The following RFX3 variants were observed in gnomAD, a reference collection of about 807,000 sequenced individuals.
RFX3 encodes regulatory factor X3, also known as transcription factor RFX3.
A neutral mutation model predicts 98.6 loss-of-function variants in RFX3; 14 were observed. That is an observed-to-expected ratio of 0.14 (90% CI 0.09 to 0.22). The LOEUF (loss-of-function observed/expected upper bound fraction) is 0.22, where lower values mean the gene tolerates loss of function less well. RFX3 is among the 10% of genes least tolerant of loss of function. RFX3 has a pLI of 1.00. For missense variants in RFX3, 639 were observed against 926.9 expected, an observed-to-expected ratio of 0.69 and a Z score of 4.03; for synonymous variants, 383 against 328.4, an observed-to-expected ratio of 1.17 and a Z score of -1.80.
intron 1 of RFX3, among the ~76,000 whole-genome samples, chr9:3,514,943 G>T (rs1044606870): frequency 2.0e-5 from 3 of 151,996 alleles, no homozygotes; most frequent in African/African-American, 7.2e-5. Flanking sequence ...TTTTATTAAT[G>T]ACCCTTAAAC....
chr9:3,308,294 T>C (rs1586972702), intron 4 of RFX3, among the ~76,000 whole-genome samples: 1 of 152,098 alleles, frequency 6.6e-6, no homozygotes, highest in Non-Finnish European at 1.5e-5. Flanking sequence ...GATCAAATGG[T>C]GGGGTGAGCC....
chr9:3,243,000 A>G (rs1820163087), intron 15 of RFX3, among the ~76,000 whole-genome samples: 1 of 151,946 alleles, frequency 6.6e-6, no homozygotes, highest in African/African-American at 2.4e-5. Flanking sequence ...AGCAATCAAA[A>G]TTTCAAAGAT....
At chr9:3,508,015 T>C (rs1004633097) in intron 1 of RFX3, among the ~76,000 whole-genome samples, 2 of 151,908 alleles carry the variant, frequency 1.3e-5, no homozygotes, top group Admixed American at 1.3e-4. Flanking sequence ...AACTAATAAA[T>C]ATTTCTTAAA....
rs370370295 is a variant in RFX3, at chr9:3,248,599, C to T, written c.1815-414G>A. ...TCTGTCCCCTCTCAGTGATAACGATCTCTGGGGTAGGCCTTAGAAAAAAGA... is the reference window on the plus strand; with the variant it reads ...TCTGTCCCCTCTCAGTGATAACGATTTCTGGGGTAGGCCTTAGAAAAAAGA... On this transcript the variant is annotated intron_variant, in intron 14 of 16. Coordinates refer to ENST00000617270, the MANE Select transcript of RFX3 (RefSeq NM_001282116.2). Among the ~76,000 whole-genome samples the T allele has an allele frequency of 7.9e-5, 12 of 152,310 alleles. No homozygotes were observed. In the South Asian group the frequency reaches 1.0e-3, roughly 13 times the overall value.
chr9:3,356,200 A>AAGGAAC (rs1563978412), intron 2 of RFX3, among the ~76,000 whole-genome samples: 1 of 116,472 alleles, frequency 8.6e-6, no homozygotes, highest in African/African-American at 4.7e-5. Context: ...AAGGAAGGAA[A>AAGGAAC]GAAGGAAAGA....
At chr9:3,329,016 G>A (rs1429124921) in intron 4 of RFX3, among the ~76,000 whole-genome samples, 2 of 152,154 alleles carry the variant, frequency 1.3e-5, no homozygotes, top group Non-Finnish European at 2.9e-5. Context: ...CTTAGTAGAG[G>A]TGAAAAGCAG....
intron 1 of RFX3, among the ~76,000 whole-genome samples, chr9:3,416,566 A>G (rs765382380): frequency 3.3e-5 from 5 of 152,196 alleles, no homozygotes; most frequent in Non-Finnish European, 7.4e-5. Flanking sequence ...TGTACACCCA[A>G]TATGATTCCA....
At chr9:3,289,941 TA>T (rs1185060757) in intron 6 of RFX3, among the ~76,000 whole-genome samples, 3 of 151,850 alleles carry the variant, frequency 2.0e-5, no homozygotes, top group Non-Finnish European at 2.9e-5. Context: ...TAGTTCATTT[TA>T]AAAAAAAGTA....
chr9:3,393,368 A>G (rs1219480448), intron 2 of RFX3, among the ~76,000 whole-genome samples: 2 of 152,138 alleles, frequency 1.3e-5, no homozygotes, highest in Non-Finnish European at 2.9e-5. Flanking sequence ...ATTTGATAAT[A>G]TGTAAATTCA....
At chr9:3,338,421 A>T (rs930643461) in intron 3 of RFX3, among the ~76,000 whole-genome samples, 1 of 152,188 alleles carries the variant, frequency 6.6e-6, no homozygotes, top group Non-Finnish European at 1.5e-5. Flanking sequence ...TAGTATTTTC[A>T]TTACTATGTA....
At chr9:3,291,570 C>G (rs1827360084) in intron 6 of RFX3, among the ~76,000 whole-genome samples, 1 of 151,940 alleles carries the variant, frequency 6.6e-6, no homozygotes, top group South Asian at 2.1e-4. Context: ...ACATACAGTT[C>G]TCTCTGTTTC....
chr9:3,247,921 G>A, intron 15 of RFX3, 111 bp downstream of exon 15: 2 of 1,612,222 alleles, frequency 1.2e-6, no homozygotes, highest in Non-Finnish European at 8.5e-7. Context: ...TGGCTCTGAG[G>A]CTGACTTGGT....
At chr9:3,392,187 A>T (rs1429106815) in intron 2 of RFX3, among the ~76,000 whole-genome samples, 1 of 152,186 alleles carries the variant, frequency 6.6e-6, no homozygotes, top group Non-Finnish European at 1.5e-5. Flanking sequence ...TTATATCCAC[A>T]TTTTAAAATA....
At chr9:3,444,123 G>C (rs948129062) in intron 1 of RFX3, among the ~76,000 whole-genome samples, 1 of 152,090 alleles carries the variant, frequency 6.6e-6, no homozygotes, top group Non-Finnish European at 1.5e-5. Context: ...ATAGTCATAA[G>C]AGCTTTAATC....
At chr9:3,525,476 T>A (rs1210233758) in intron 1 of RFX3, among the ~76,000 whole-genome samples, 3 of 151,934 alleles carry the variant, frequency 2.0e-5, no homozygotes, top group African/African-American at 7.2e-5. Context: ...TCCCGCTCCA[T>A]CCCTGAAGTG....
At position 3,424,405 on chromosome 9, in the gene RFX3, A is replaced by G. The variant is rs1434931260; in HGVS notation, c.-8-28809T>C. Among the ~76,000 whole-genome samples, 30 of 109,738 alleles carry G rather than the reference A, an allele frequency of 2.7e-4. No individual in the cohort carries two copies. In the East Asian group the frequency reaches 7.7e-3, roughly 28 times the overall value. The allele number at this position is 109,738 out of a possible 152,430, so 72.0% of individuals were successfully genotyped here. ...GAGACGGAGTCTCGCTCTGTCGCCC[A>G]GGCTGGAGTGCAGTGGCGCGATCTC... is the stretch of plus-strand genomic sequence containing the variant. On this transcript the variant is annotated intron_variant, in intron 1 of 16. Transcript: ENST00000617270.
intron 13 of RFX3, among the ~76,000 whole-genome samples, chr9:3,259,679 A>T (rs1822604854): frequency 6.6e-6 from 1 of 151,996 alleles, no homozygotes; most frequent in South Asian, 2.1e-4. Context: ...AAATTAGAGA[A>T]TTATGCCATC....
At chr9:3,411,153 G>A (rs1842435198) in intron 1 of RFX3, among the ~76,000 whole-genome samples, 1 of 152,064 alleles carries the variant, frequency 6.6e-6, no homozygotes, top group South Asian at 2.1e-4. Context: ...TAAGGACGGT[G>A]TTTTCTAAAT....
chr9:3,384,955 C>T (rs755036974), intron 2 of RFX3, among the ~76,000 whole-genome samples: 8 of 152,158 alleles, frequency 5.3e-5, no homozygotes, highest in Non-Finnish European at 1.2e-4. Context: ...GCTTAAAAGT[C>T]AGTCCCTCTG....
Sources: gnomAD v4.1 joint callset for allele counts (sites outside exome capture counted in the v4.1 genomes callset) on GRCh38, gnomAD v4.1.1 for gene constraint, MANE v1.5 for transcripts, NCBI Gene and HGNC (gene_info 2026-07-23, HGNC 2026-07-21) for gene names.